The following CTNNA3 variants were observed in gnomAD, a reference collection of about 807,000 sequenced individuals.
The protein encoded by CTNNA3 is catenin alpha-3.
A neutral mutation model predicts 95.7 loss-of-function variants in CTNNA3; 76 were observed. The ratio of observed to expected loss-of-function variants is 0.79; its 90% CI spans 0.66 to 0.96. The LOEUF is 0.96. Among genes scored for constraint, CTNNA3 ranks in the 40% least tolerant of loss-of-function variants. The pLI is 0.00. For missense variants in CTNNA3, 1,191 were observed against 1,089.8 expected, an observed-to-expected ratio of 1.09 and a Z score of -1.31; for synonymous variants, 431 against 374.4, an observed-to-expected ratio of 1.15 and a Z score of -1.74.
intron 7 of CTNNA3, among the ~76,000 whole-genome samples, chr10:66,948,521 T>A (rs1257943597): frequency 1.3e-5 from 2 of 152,186 alleles, no homozygotes; most frequent in East Asian, 3.9e-4. Context: ...TGCTCTCAAT[T>A]AAAGATCTAC....
At chr10:66,541,870 A>G (rs1291978797) in intron 10 of CTNNA3, among the ~76,000 whole-genome samples, 3 of 152,122 alleles carry the variant, frequency 2.0e-5, no homozygotes, top group African/African-American at 4.8e-5. Context: ...GTGTTTTTGC[A>G]ATGCGTATTT....
chr10:67,731,597 T>G (rs1841274344), intron 1 of CTNNA3, among the ~76,000 whole-genome samples: 1 of 151,878 alleles, frequency 6.6e-6, no homozygotes, highest in African/African-American at 2.4e-5. Flanking sequence ...GGTCAGGAGA[T>G]CGAGACCATC....
intron 14 of CTNNA3, among the ~76,000 whole-genome samples, chr10:66,085,552 T>C (rs1380216894): frequency 1.3e-5 from 2 of 152,094 alleles, no homozygotes; most frequent in Non-Finnish European, 2.9e-5. Flanking sequence ...TTTTCTTTCA[T>C]AATCAAGAAA....
intron 1 of CTNNA3, among the ~76,000 whole-genome samples, chr10:67,724,403 T>G (rs1402300900): frequency 6.6e-6 from 1 of 152,178 alleles, no homozygotes; most frequent in Non-Finnish European, 1.5e-5. Context: ...GAACATCAAT[T>G]CCCAATTTCG....
chr10:67,651,757 A>T (rs1355805827), intron 1 of CTNNA3, among the ~76,000 whole-genome samples: 3 of 152,170 alleles, frequency 2.0e-5, no homozygotes, highest in Admixed American at 1.3e-4. Context: ...CTTCCTGTTT[A>T]AGAGCTCAAA....
intron 15 of CTNNA3, among the ~76,000 whole-genome samples, chr10:66,063,181 T>C (rs1158450296): frequency 7.0e-6 from 1 of 142,022 alleles, no homozygotes; most frequent in East Asian, 2.1e-4. Flanking sequence ...TTCCAGCCAA[T>C]GACTGGATAC....
intron 13 of CTNNA3, among the ~76,000 whole-genome samples, chr10:66,169,907 A>AT (rs1263379110): frequency 6.6e-6 from 1 of 152,040 alleles, no homozygotes; most frequent in Non-Finnish European, 1.5e-5. Context: ...AGTTCCATAG[A>AT]TTTTGGATAT....
chr10:67,539,716 G>T lies in CTNNA3; in HGVS notation c.293-47C>A, dbSNP rs116029693. 1,075 of 1,545,682 alleles carry T rather than the reference G, an allele frequency of 7.0e-4. 9 individuals carry two copies. The African/African-American group carries it at 0.012, about 18-fold the overall frequency. On this transcript the variant is annotated intron_variant, in intron 3 of 17. Transcript: ENST00000433211. ...AAGTTATACTTTAAGTTTCAACTATGCCTATTTCAGGATTTATCAGCTAAC... is the reference window on the plus strand; with the variant it reads ...AAGTTATACTTTAAGTTTCAACTATTCCTATTTCAGGATTTATCAGCTAAC...
chr10:67,078,228 A>G (rs1027340244), intron 7 of CTNNA3, among the ~76,000 whole-genome samples: 1 of 152,170 alleles, frequency 6.6e-6, no homozygotes, highest in African/African-American at 2.4e-5. Context: ...GGGCATGAAG[A>G]GTGATCTTCC....
chr10:67,278,630 G>A (rs888688006), intron 5 of CTNNA3, among the ~76,000 whole-genome samples: 3 of 152,056 alleles, frequency 2.0e-5, no homozygotes, highest in African/African-American at 7.2e-5. Flanking sequence ...ATTGTACAAT[G>A]TTTCTTATCA....
chr10:67,752,451 A>G (rs974551251), intron 1 of CTNNA3, among the ~76,000 whole-genome samples: 1 of 152,178 alleles, frequency 6.6e-6, no homozygotes, highest in South Asian at 2.1e-4. Context: ...CACCACTCCT[A>G]TTCAACATAG....
At chr10:67,146,844 T>C (rs1308036136) in intron 7 of CTNNA3, among the ~76,000 whole-genome samples, 1 of 152,230 alleles carries the variant, frequency 6.6e-6, no homozygotes, top group East Asian at 1.9e-4. Flanking sequence ...TAGATTATAA[T>C]AACATTTTTA....
At chr10:66,965,236 TTTTG>T (rs142910322) in intron 7 of CTNNA3, among the ~76,000 whole-genome samples, 10,949 of 152,108 alleles carry the variant, frequency 0.072, 397 homozygotes, top group Middle Eastern at 0.11. Context: ...TTTGGGGTTT[TTTTG>T]TTTGTTTGTT....
intron 10 of CTNNA3, among the ~76,000 whole-genome samples, chr10:66,541,078 C>T (rs996075238): frequency 6.6e-6 from 1 of 151,974 alleles, no homozygotes; most frequent in Non-Finnish European, 1.5e-5. Flanking sequence ...TAATAATAAT[C>T]AACTATTTTA....
upstream of CTNNA3, among the ~76,000 whole-genome samples, chr10:67,698,335 A>G (rs116734291): frequency 0.017 from 2,510 of 149,752 alleles, 71 homozygotes; most frequent in African/African-American, 0.058. Context: ...CGTTCTGGGC[A>G]TCAGGACCGG....
chr10:66,751,320 A>G (rs1041450237), intron 9 of CTNNA3, among the ~76,000 whole-genome samples: 1 of 152,182 alleles, frequency 6.6e-6, no homozygotes, highest in African/African-American at 2.4e-5. Flanking sequence ...TAGGAAAGCA[A>G]TTGACTTTTG....
chr10:66,199,463 C>CA (rs34304963), intron 13 of CTNNA3, among the ~76,000 whole-genome samples: 17,976 of 143,086 alleles, frequency 0.13, 1,181 homozygotes, highest in African/African-American at 0.18. Flanking sequence ...TTTTAACAAG[C>CA]AAAAAAAAAA....
intron 13 of CTNNA3, among the ~76,000 whole-genome samples, chr10:66,278,116 G>A (rs1185455016): frequency 6.7e-6 from 1 of 149,578 alleles, no homozygotes; most frequent in Non-Finnish European, 1.5e-5. Context: ...ATCATATACA[G>A]TGTAATAGGA....
intron 7 of CTNNA3, among the ~76,000 whole-genome samples, chr10:66,878,781 T>C (rs1046431816): frequency 6.6e-6 from 1 of 152,134 alleles, no homozygotes; most frequent in Non-Finnish European, 1.5e-5. Context: ...ACAGTGGCCC[T>C]AGCATGTGAG....
Sources: gnomAD v4.1 joint callset for allele counts (sites outside exome capture counted in the v4.1 genomes callset) on GRCh38, gnomAD v4.1.1 for gene constraint, MANE v1.5 for transcripts, NCBI Gene and HGNC (gene_info 2026-07-23, HGNC 2026-07-21) for gene names.